The following AGBL1 variants were observed in gnomAD, a reference collection of about 807,000 sequenced individuals.
AGBL1 encodes the protein AGBL carboxypeptidase 1, also known as cytosolic carboxypeptidase 4.
A neutral mutation model predicts 118.9 loss-of-function variants in AGBL1; 130 were observed. The ratio of observed to expected loss-of-function variants is 1.09; its 90% confidence interval spans 0.95 to 1.26. The LOEUF (loss-of-function observed/expected upper bound fraction) is 1.26, where lower values mean the gene tolerates loss of function less well. Ranked by LOEUF, AGBL1 falls within the 50% of genes most tolerant of loss-of-function variation. The pLI, the probability that AGBL1 is intolerant of heterozygous loss-of-function variation, is 0.00. For synonymous variants in AGBL1, 555 were observed against 478.9 expected (o/e 1.16, Z -2.08); for missense variants, 1,584 against 1,298.1 (o/e 1.22, Z -3.38).
chr15:86,544,219 A>G (rs1346195298), intron 19 of AGBL1, among the ~76,000 whole-genome samples: 1 of 152,194 alleles, frequency 6.6e-6, no homozygotes, highest in African/African-American at 2.4e-5. Context: ...AGTTAGATTC[A>G]TTCACATACC....
At chr15:86,359,393 T>C (rs1438561729) in intron 17 of AGBL1, among the ~76,000 whole-genome samples, 5 of 12,902 alleles carry the variant, frequency 3.9e-4, no homozygotes, top group African/African-American at 5.3e-4. Flanking sequence ...TTTTCTTTTT[T>C]TTTTTTTTTT....
intron 21 of AGBL1, among the ~76,000 whole-genome samples, chr15:86,670,658 A>ATATATG (rs1216002060): frequency 6.8e-6 from 1 of 147,036 alleles, no homozygotes; most frequent in East Asian, 2.0e-4. Flanking sequence ...GTGTATATAT[A>ATATATG]TATATAGCAA....
intron 17 of AGBL1, among the ~76,000 whole-genome samples, chr15:86,359,812 G>C (rs58481321): frequency 0.036 from 5,390 of 151,802 alleles, 312 homozygotes; most frequent in African/African-American, 0.12. Context: ...TATTCTGTTT[G>C]CTGCTATTAT....
rs28529172 is a variant in AGBL1, at chr15:86,827,310, T to C, written c.3159-79777T>C. Among the ~76,000 whole-genome samples, 315 of 13,598 alleles carry C rather than the reference T, an allele frequency of 0.023. 9 individuals are homozygous for C. The East Asian group carries it at 0.25, about 11-fold the overall frequency. 8.9% of individuals were successfully genotyped at this position (13,598 alleles called of 152,430 possible). On this transcript the variant is annotated intron_variant, in intron 22 of 22. Transcript: ENST00000614907. ...GTGTATGTATATATATATGTATATA[T>C]ATATATACACACACATATATATATA...
rs745649236 is a variant in AGBL1 at position 86,914,842 on chromosome 15, G to A, written c.*7548G>A. ...GGAGCAAGTCTCCATTTCTAGGAAA[G>A]TGTGTTGTTCTTGTAGATCCTTGAC... is the stretch of plus-strand genomic sequence containing the variant. On this transcript the variant is annotated 3_prime_UTR_variant, in exon 23 of 23. Transcript: ENST00000614907. 1.3e-5 allele frequency: 2 copies of A among 152,168 alleles called. No individual in the cohort carries two copies. Among genetic ancestry groups the A allele is most frequent in the Non-Finnish European group, 2.9e-5 (2 of 68,040 alleles). 9.4% of individuals were successfully genotyped at this position (152,168 alleles called of 1,614,324 possible). A position where few individuals can be genotyped will look rare whatever the true frequency, so the allele number is the denominator to read the frequency against.
chr15:86,543,581 G>C (rs1596248239), intron 19 of AGBL1, among the ~76,000 whole-genome samples: 1 of 152,140 alleles, frequency 6.6e-6, no homozygotes, highest in Admixed American at 6.5e-5. Flanking sequence ...TTGCCTTAAA[G>C]TAGGCAATAT....
At chr15:86,680,104 A>G (rs560471407) in intron 22 of AGBL1, among the ~76,000 whole-genome samples, 7 of 152,306 alleles carry the variant, frequency 4.6e-5, no homozygotes, top group African/African-American at 1.7e-4. Context: ...TTGAAACAAA[A>G]ATATTATTTT....
chr15:86,673,163 G>A (rs2085776436), intron 21 of AGBL1, among the ~76,000 whole-genome samples: 3 of 152,142 alleles, frequency 2.0e-5, no homozygotes, highest in African/African-American at 7.2e-5. Flanking sequence ...GAATTCCGTT[G>A]TATTAAACGT....
At chr15:86,394,642 C>T (rs2081336485) in intron 17 of AGBL1, among the ~76,000 whole-genome samples, 1 of 152,096 alleles carries the variant, frequency 6.6e-6, no homozygotes, top group South Asian at 2.1e-4. Flanking sequence ...TTGCCAAGAA[C>T]CCTGGCTCCC....
intron 18 of AGBL1, among the ~76,000 whole-genome samples, chr15:86,441,988 G>A (rs1329932432): frequency 6.6e-6 from 1 of 152,216 alleles, no homozygotes; most frequent in Non-Finnish European, 1.5e-5. Context: ...AATCCACAAG[G>A]GTGGGGTAGA....
intron 22 of AGBL1, among the ~76,000 whole-genome samples, chr15:86,801,081 A>G (rs968598956): frequency 5.3e-5 from 8 of 152,068 alleles, no homozygotes; most frequent in Admixed American, 5.3e-4. Context: ...TCGAACTTAC[A>G]TGTATAACAC....
chr15:86,940,037 A>G (rs1272431811), intron 23 of AGBL1, among the ~76,000 whole-genome samples: 1 of 146,206 alleles, frequency 6.8e-6, no homozygotes, highest in Non-Finnish European at 1.5e-5. Context: ...ATGTGTCAAC[A>G]AACTCAGCTA....
chr15:86,109,106 A>T (rs1431421744), intron 1 of AGBL1, among the ~76,000 whole-genome samples: 2 of 152,216 alleles, frequency 1.3e-5, no homozygotes, highest in African/African-American at 4.8e-5. Context: ...AAATGAAAGG[A>T]GTTAGTATAT....
intron 22 of AGBL1, among the ~76,000 whole-genome samples, chr15:86,680,643 T>G (rs960470109): frequency 7.2e-6 from 1 of 138,458 alleles, no homozygotes; most frequent in Non-Finnish European, 1.5e-5. Flanking sequence ...CTTGGCTCAC[T>G]ACAACCTCTG....
At chr15:86,919,087 A>G (rs185922852), downstream of AGBL1, among the ~76,000 whole-genome samples, 1 of 152,334 alleles carries the variant, frequency 6.6e-6, no homozygotes, top group African/African-American at 2.4e-5. Flanking sequence ...ATAATGCACC[A>G]CATCAATATC....
At chr15:86,649,524 A>G (rs1309785438) in intron 21 of AGBL1, among the ~76,000 whole-genome samples, 1 of 152,142 alleles carries the variant, frequency 6.6e-6, no homozygotes, top group African/African-American at 2.4e-5. Context: ...CCCTACCTAT[A>G]TTCAGTTACT....
intron 21 of AGBL1, among the ~76,000 whole-genome samples, chr15:86,660,761 A>G (rs1279216001): frequency 2.0e-5 from 3 of 152,126 alleles, no homozygotes; most frequent in African/African-American, 4.8e-5. Flanking sequence ...GTCAGATATT[A>G]TCTTTTAGAT....
At chr15:86,477,557 C>T (rs1253494078) in intron 18 of AGBL1, among the ~76,000 whole-genome samples, 1 of 152,122 alleles carries the variant, frequency 6.6e-6, no homozygotes, top group Non-Finnish European at 1.5e-5. Context: ...CTGAATAGAC[C>T]AATAACAGGC....
At chr15:86,275,423 G>A (rs945715532) in intron 15 of AGBL1, among the ~76,000 whole-genome samples, 2 of 152,118 alleles carry the variant, frequency 1.3e-5, no homozygotes, top group Admixed American at 1.3e-4. Context: ...TGCCTTATTA[G>A]ATCCTGTTAA....
Sources: gnomAD v4.1 joint callset for allele counts (sites outside exome capture counted in the v4.1 genomes callset) on GRCh38, gnomAD v4.1.1 for gene constraint, MANE v1.5 for transcripts, NCBI Gene and HGNC (gene_info 2026-07-23, HGNC 2026-07-21) for gene names.